The following DPYD variants were observed in gnomAD, a reference collection of about 807,000 sequenced individuals.
The protein encoded by DPYD is dihydropyrimidine dehydrogenase, also known as dihydropyrimidine dehydrogenase [NADP(+)].
DPYD carries 109 observed loss-of-function variants against 116.2 expected under a neutral mutation model. The observed-to-expected ratio is 0.94, with a 90% confidence interval of 0.80 to 1.10. DPYD has a LOEUF of 1.10. Among genes scored for constraint, DPYD ranks in the 50% least tolerant of loss-of-function variants. DPYD has a pLI of 0.00. For synonymous variants in DPYD, 440 were observed against 432.0 expected (o/e 1.02, Z -0.23); for missense variants, 1,302 against 1,254.5 (o/e 1.04, Z -0.57).
At chr1:97,434,365 T>A (rs1675346805) in intron 14 of DPYD, among the ~76,000 whole-genome samples, 1 of 152,092 alleles carries the variant, frequency 6.6e-6, no homozygotes, top group African/African-American at 2.4e-5. Context: ...AAGTTATTTC[T>A]TTGCTTCATG....
chr1:97,920,799 G>T (rs1674478735), intron 1 of DPYD, 85 bp downstream of exon 1: 1 of 1,527,066 alleles, frequency 6.5e-7, no homozygotes, highest in African/African-American at 1.4e-5. Context: ...CGGGGTGCGG[G>T]GGCCGCGGGG....
intron 14 of DPYD, among the ~76,000 whole-genome samples, chr1:97,411,273 T>G (rs1673977720): frequency 6.6e-6 from 1 of 152,194 alleles, no homozygotes; most frequent in African/African-American, 2.4e-5. Context: ...ATAATGAAGC[T>G]CAGTGTAAAT....
intron 3 of DPYD, among the ~76,000 whole-genome samples, chr1:97,762,947 A>G (rs1571317948): frequency 6.6e-6 from 1 of 152,084 alleles, no homozygotes; most frequent in African/African-American, 2.4e-5. Context: ...TAAGTGGCAT[A>G]AAAAGCTCCT....
At chr1:97,620,352 C>T (rs1413596358) in intron 8 of DPYD, among the ~76,000 whole-genome samples, 2 of 152,098 alleles carry the variant, frequency 1.3e-5, no homozygotes, top group Admixed American at 6.6e-5. Flanking sequence ...CTAAGTGGGA[C>T]TATCGGCACA....
chr1:97,357,060 T>C (rs182636517), intron 16 of DPYD, among the ~76,000 whole-genome samples: 20 of 152,362 alleles, frequency 1.3e-4, no homozygotes, highest in Admixed American at 9.1e-4. Flanking sequence ...TGAAAAACTA[T>C]ATTAAATTTT....
At chr1:97,497,613 A>G (rs1043352241) in intron 13 of DPYD, among the ~76,000 whole-genome samples, 40 of 151,888 alleles carry the variant, frequency 2.6e-4, no homozygotes, top group Admixed American at 1.8e-3. Context: ...CTAGGAGTCA[A>G]TATCATAATG....
intron 14 of DPYD, among the ~76,000 whole-genome samples, chr1:97,385,045 T>TAG (rs1463364135): frequency 6.6e-6 from 1 of 151,840 alleles, no homozygotes; most frequent in Non-Finnish European, 1.5e-5. Flanking sequence ...GCCTTTTCCC[T>TAG]AGGGGCTAAA....
chr1:97,417,365 G>T (rs1438225008), intron 14 of DPYD, among the ~76,000 whole-genome samples: 1 of 152,106 alleles, frequency 6.6e-6, no homozygotes, highest in Non-Finnish European at 1.5e-5. Flanking sequence ...ATTTTAAAGT[G>T]AAAACTTAAA....
chr1:97,826,032 C>CTGTG (rs138055564), intron 3 of DPYD, among the ~76,000 whole-genome samples: 122,749 of 151,246 alleles, frequency 0.81, 49,913 homozygotes, highest in East Asian at 0.98. Flanking sequence ...TAATGTGTGT[C>CTGTG]TGTGTGTGTG....
chr1:97,507,305 G>C (rs559342638), intron 13 of DPYD, among the ~76,000 whole-genome samples: 1 of 151,922 alleles, frequency 6.6e-6, no homozygotes, highest in Non-Finnish European at 1.5e-5. Flanking sequence ...AGCTTACATT[G>C]AATTTATTTA....
chr1:97,568,929 C>T (rs916012388), intron 11 of DPYD, among the ~76,000 whole-genome samples: 5 of 131,666 alleles, frequency 3.8e-5, no homozygotes, highest in African/African-American at 7.9e-5. Flanking sequence ...AAATAGATTC[C>T]GGAAGATCAC....
chr1:97,780,992 T>C (rs1009013812), intron 3 of DPYD, among the ~76,000 whole-genome samples: 11 of 152,160 alleles, frequency 7.2e-5, no homozygotes, highest in Non-Finnish European at 1.2e-4. Flanking sequence ...TTCTAGAAGC[T>C]TCATAATGTC....
intron 3 of DPYD, among the ~76,000 whole-genome samples, chr1:97,777,256 T>G (rs936485904): frequency 4.6e-5 from 7 of 152,200 alleles, no homozygotes; most frequent in African/African-American, 7.2e-5. Flanking sequence ...GTTATGTATG[T>G]ATATTTTTTC....
intron 7 of DPYD, among the ~76,000 whole-genome samples, chr1:97,690,043 T>G (rs1660934347): frequency 6.6e-6 from 1 of 152,078 alleles, no homozygotes; most frequent in Non-Finnish European, 1.5e-5. Context: ...TACAAAATGT[T>G]GAAAAAATTG....
intron 18 of DPYD, among the ~76,000 whole-genome samples, chr1:97,277,586 A>G (rs1374084224): frequency 2.6e-5 from 4 of 152,090 alleles, no homozygotes. Flanking sequence ...CTCTTGTATC[A>G]CACATTCAAC....
chr1:97,142,294 G>T (rs1377503763), intron 20 of DPYD, among the ~76,000 whole-genome samples: 1 of 152,082 alleles, frequency 6.6e-6, no homozygotes, highest in Non-Finnish European at 1.5e-5. Flanking sequence ...AAGCATTTCT[G>T]CTTTTAAATG....
intron 19 of DPYD, among the ~76,000 whole-genome samples, chr1:97,211,238 C>A (rs1023562010): frequency 1.1e-4 from 16 of 152,142 alleles, no homozygotes; most frequent in Non-Finnish European, 1.9e-4. Flanking sequence ...CAATGCCTTT[C>A]TCCATACTTT....
At chr1:97,454,660 G>A (rs1676589556) in intron 13 of DPYD, among the ~76,000 whole-genome samples, 1 of 151,844 alleles carries the variant, frequency 6.6e-6, no homozygotes, top group African/African-American at 2.4e-5. Flanking sequence ...AACATTTGAA[G>A]TGATGATAAT....
At chr1:97,311,760 C>T (rs1283552913) in intron 16 of DPYD, among the ~76,000 whole-genome samples, 1 of 151,750 alleles carries the variant, frequency 6.6e-6, no homozygotes, top group African/African-American at 2.4e-5. Flanking sequence ...GGAATAAACA[C>T]ACTAGAGCTA....
Sources: gnomAD v4.1 joint callset for allele counts (sites outside exome capture counted in the v4.1 genomes callset) on GRCh38, gnomAD v4.1.1 for gene constraint, MANE v1.5 for transcripts, NCBI Gene and HGNC (gene_info 2026-07-23, HGNC 2026-07-21) for gene names.